Variants in OPCML observed in about 807,000 individuals in gnomAD.
OPCML encodes the protein opioid binding protein/cell adhesion molecule like.
A neutral mutation model predicts 37.8 loss-of-function variants in OPCML; 13 were observed. The ratio of observed to expected loss-of-function variants is 0.34; its 90% CI spans 0.22 to 0.55. The LOEUF is 0.55. Among genes scored for constraint, OPCML ranks in the 20% least tolerant of loss-of-function variants. The probability of loss-of-function intolerance (pLI) is 0.91; values close to 1 mark genes in which losing one functional copy is unlikely to be tolerated. For missense variants in OPCML, 341 were observed against 435.6 expected (o/e 0.78, Z 1.93); for synonymous variants, 176 against 168.8 (o/e 1.04, Z -0.33).
intron 1 of OPCML, among the ~76,000 whole-genome samples, chr11:133,244,160 CT>C (rs1368872840): frequency 3.3e-5 from 5 of 152,300 alleles, no homozygotes; most frequent in Admixed American, 2.0e-4. Context: ...AGGACACAGG[CT>C]TTGGCATCAG....
intron 3 of OPCML, among the ~76,000 whole-genome samples, chr11:132,626,309 A>G (rs948556637): frequency 2.0e-5 from 3 of 151,962 alleles, no homozygotes; most frequent in African/African-American, 7.3e-5. Context: ...CATGGACCTG[A>G]GCAACTCTCA....
chr11:133,409,395 T>C (rs1044592215), intron 1 of OPCML, among the ~76,000 whole-genome samples: 3 of 152,120 alleles, frequency 2.0e-5, no homozygotes, highest in Non-Finnish European at 4.4e-5. Flanking sequence ...AGCTTTAAGG[T>C]GAGGTGTAAA....
At chr11:132,462,872 A>C (rs1265799306) in intron 4 of OPCML, among the ~76,000 whole-genome samples, 1 of 152,188 alleles carries the variant, frequency 6.6e-6, no homozygotes, top group Non-Finnish European at 1.5e-5. Context: ...TGAAGGTCAG[A>C]CATGGAGAGG....
chr11:132,950,484 A>G (rs754867797), intron 1 of OPCML, among the ~76,000 whole-genome samples: 5 of 152,206 alleles, frequency 3.3e-5, no homozygotes, highest in Non-Finnish European at 5.9e-5. Flanking sequence ...TGAAGAATGA[A>G]TAAAGAGTTC....
intron 2 of OPCML, among the ~76,000 whole-genome samples, chr11:132,781,937 C>T (rs1320229310): frequency 7.0e-5 from 7 of 99,422 alleles, no homozygotes; most frequent in Admixed American, 3.1e-4. Context: ...TATATATATA[C>T]ATATATATAT....
chr11:133,103,133 T>C (rs1346568709), intron 1 of OPCML, among the ~76,000 whole-genome samples: 3 of 152,238 alleles, frequency 2.0e-5, no homozygotes, highest in Non-Finnish European at 4.4e-5. Flanking sequence ...AATAGTGATC[T>C]GGGGATTCCT....
intron 2 of OPCML, among the ~76,000 whole-genome samples, chr11:132,912,630 C>T (rs535270522): frequency 6.3e-4 from 96 of 152,164 alleles, no homozygotes; most frequent in Non-Finnish European, 1.1e-3. Flanking sequence ...TGACAGCTTT[C>T]AACACAATCC....
At chr11:133,221,327 T>C (rs1478359558) in intron 1 of OPCML, among the ~76,000 whole-genome samples, 1 of 152,216 alleles carries the variant, frequency 6.6e-6, no homozygotes, top group African/African-American at 2.4e-5. Flanking sequence ...TCATGCTCCC[T>C]GATCATTTCT....
At chr11:133,378,829 C>A (rs1201890311) in intron 1 of OPCML, among the ~76,000 whole-genome samples, 1 of 152,062 alleles carries the variant, frequency 6.6e-6, no homozygotes, top group East Asian at 1.9e-4. Flanking sequence ...AACTCCTGGG[C>A]TCCAGAGATC....
At chr11:133,481,594 G>C (rs1469883218) in intron 1 of OPCML, among the ~76,000 whole-genome samples, 1 of 152,162 alleles carries the variant, frequency 6.6e-6, no homozygotes, top group East Asian at 1.9e-4. Flanking sequence ...TCTTAAATCA[G>C]TGGTGAAATC....
intron 1 of OPCML, among the ~76,000 whole-genome samples, chr11:133,514,463 T>C (rs1271889407): frequency 6.6e-6 from 1 of 152,216 alleles, no homozygotes; most frequent in African/African-American, 2.4e-5. Flanking sequence ...TTCCTCCTCG[T>C]CTGGAGTGCT....
chr11:132,749,303 C>T lies in OPCML; in HGVS notation c.147-91984G>A, dbSNP rs1397195630. ...TGGCACTTTCTTACAGTAGCAGGAA[C>T]AAACTATGACAGGCTGTAAGATATA... On this transcript the variant is annotated intron_variant, in intron 2 of 7. Transcript: ENST00000524381. 7.9e-5 allele frequency among the ~76,000 whole-genome samples: 12 copies of T among 152,148 alleles called. 1 individual carries two copies. Among genetic ancestry groups the T allele is most frequent in the Admixed American group, 7.9e-4 (12 of 15,280 alleles).
chr11:133,004,117 A>G, intron 1 of OPCML: 1 of 985,320 alleles, frequency 1.0e-6, no homozygotes, highest in Non-Finnish European at 1.2e-6. Context: ...GAAGTTGGAC[A>G]CCCACACATC....
At chr11:133,080,423 C>A (rs559314949) in intron 1 of OPCML, among the ~76,000 whole-genome samples, 33 of 151,580 alleles carry the variant, frequency 2.2e-4, no homozygotes, top group Non-Finnish European at 3.4e-4. Flanking sequence ...GCCAACGATT[C>A]CATACTTGCA....
chr11:132,478,736 G>C (rs2096166437), intron 4 of OPCML, among the ~76,000 whole-genome samples: 1 of 152,090 alleles, frequency 6.6e-6, no homozygotes, highest in South Asian at 2.1e-4. Context: ...GTTTGTTTGT[G>C]GTCATTCTTT....
chr11:132,719,989 T>G (rs1944623455), intron 2 of OPCML, among the ~76,000 whole-genome samples: 1 of 152,324 alleles, frequency 6.6e-6, no homozygotes, highest in Admixed American at 6.5e-5. Flanking sequence ...TTCTGCTCCC[T>G]GGATCCACCA....
chr11:132,780,405 A>C lies in OPCML; in HGVS notation c.147-123086T>G, dbSNP rs554951436. Among the ~76,000 whole-genome samples, 3 of 152,282 alleles carry C rather than the reference A, an allele frequency of 2.0e-5. No individual in the cohort carries two copies. The East Asian group carries it at 5.8e-4, about 29-fold the overall frequency. On this transcript the variant is annotated intron_variant, in intron 2 of 7. Coordinates refer to ENST00000524381, the MANE Select transcript of OPCML (RefSeq NM_001012393.5). ...CAAGGGCTTCTCACCTTAGCATATT[A>C]ATAGTGGGTTGTTTTTCTATTCCTC...
intron 3 of OPCML, among the ~76,000 whole-genome samples, chr11:132,619,804 A>G (rs1939289199): frequency 6.8e-6 from 1 of 147,586 alleles, no homozygotes; most frequent in African/African-American, 2.5e-5. Flanking sequence ...GCGAGCGGAG[A>G]TCTCGCTACT....
At chr11:132,720,616 G>T (rs1231919989) in intron 2 of OPCML, among the ~76,000 whole-genome samples, 1 of 152,104 alleles carries the variant, frequency 6.6e-6, no homozygotes, top group African/African-American at 2.4e-5. Context: ...TCTCTAATTG[G>T]CTCGCTATTT....
Sources: allele counts gnomAD v4.1 joint callset (sites outside exome capture counted in the v4.1 genomes callset), GRCh38; gene constraint gnomAD v4.1.1; transcripts MANE v1.5; gene names NCBI Gene and HGNC (gene_info 2026-07-23, HGNC 2026-07-21).